Variants in DLGAP2 observed in about 807,000 individuals in gnomAD.
The protein encoded by DLGAP2 is disks large-associated protein 2.
A neutral mutation model predicts 100.3 loss-of-function variants in DLGAP2; 26 were observed. The observed-to-expected ratio is 0.26, with a 90% CI of 0.19 to 0.36. The LOEUF is 0.36. DLGAP2 is among the 10% of genes least tolerant of loss of function. The pLI is 1.00. For missense variants in DLGAP2, 1,858 were observed against 1,453.2 expected, an observed-to-expected ratio of 1.28 and a Z score of -4.53; for synonymous variants, 886 against 630.1, an observed-to-expected ratio of 1.41 and a Z score of -6.08.
intron 2 of DLGAP2, among the ~76,000 whole-genome samples, chr8:1,164,343 C>CCCCCA (rs1563224521): frequency 2.3e-4 from 30 of 128,932 alleles, no homozygotes; most frequent in Admixed American, 7.0e-4. Context: ...TCTGTGAGCC[C>CCCCCA]GCAGGGCCCG....
intron 2 of DLGAP2, among the ~76,000 whole-genome samples, chr8:1,086,845 A>G (rs2129040622): frequency 6.6e-6 from 1 of 152,324 alleles, no homozygotes; most frequent in South Asian, 2.1e-4. Context: ...AATAATGGAA[A>G]GATCATACAG....
chr8:1,511,553 G>C (rs543783842), intron 4 of DLGAP2, among the ~76,000 whole-genome samples: 1 of 151,606 alleles, frequency 6.6e-6, no homozygotes, highest in African/African-American at 2.4e-5. Context: ...ATCTTCCATG[G>C]ACGTAAGTGC....
At chr8:1,553,292 C>T (rs1450285085) in intron 5 of DLGAP2, among the ~76,000 whole-genome samples, 2 of 152,224 alleles carry the variant, frequency 1.3e-5, no homozygotes, top group Admixed American at 6.5e-5. Context: ...CCCCACCTGG[C>T]GTCGCCCGGC....
chr8:806,685 G>A (rs1796276811), intron 1 of DLGAP2, among the ~76,000 whole-genome samples: 1 of 152,202 alleles, frequency 6.6e-6, no homozygotes, highest in South Asian at 2.1e-4. Flanking sequence ...GAACTTTTCA[G>A]TGCATTTCAG....
chr8:1,615,156 C>T (rs1214754710), intron 6 of DLGAP2, among the ~76,000 whole-genome samples: 1 of 152,138 alleles, frequency 6.6e-6, no homozygotes, highest in African/African-American at 2.4e-5. Context: ...TTAACATTTG[C>T]GGACCCCTGA....
Position 1,386,470 on chromosome 8 carries a change from G to A in DLGAP2, c.107-114896G>A, listed in dbSNP as rs182289024. ...TCTCCAGAGCGGCAGGGACAGCTGG[G>A]AGAACCTGCAGAATTCCCTCCAGAA... On this transcript the variant is annotated intron_variant, in intron 3 of 14. Transcript: ENST00000637795. 3.9e-3 allele frequency among the ~76,000 whole-genome samples: 594 copies of A among 152,288 alleles called. 4 individuals are homozygous for A. The highest frequency in any genetic ancestry group is 5.5e-3 in the Non-Finnish European group (373 of 68,022).
At chr8:1,518,161 G>A (rs557912268) in intron 4 of DLGAP2, among the ~76,000 whole-genome samples, 1 of 152,326 alleles carries the variant, frequency 6.6e-6, no homozygotes, top group Admixed American at 6.5e-5. Flanking sequence ...TCTGTGTTAT[G>A]TGACTTGTCC....
At chr8:1,241,185 C>CTCTCACATGGCGCCGTGTCTA (rs1798786585) in intron 2 of DLGAP2, among the ~76,000 whole-genome samples, 2 of 42,466 alleles carry the variant, frequency 4.7e-5, no homozygotes, top group African/African-American at 1.5e-4. Context: ...CGCCGTGTCT[C>CTCTCACATGGCGCCGTGTCTA]GTTCTCTCAC....
chr8:1,526,334 C>T (rs1241516382), intron 4 of DLGAP2, among the ~76,000 whole-genome samples: 1 of 151,936 alleles, frequency 6.6e-6, no homozygotes, highest in Non-Finnish European at 1.5e-5. Context: ...CGCCTACCGG[C>T]AGGGCTGAGA....
At chr8:1,470,837 TCCA>T (rs1798767301) in intron 3 of DLGAP2, among the ~76,000 whole-genome samples, 1 of 10,888 alleles carries the variant, frequency 9.2e-5, no homozygotes, top group East Asian at 2.6e-3. Context: ...TCCCGACCCC[TCCA>T]GGCTTTCCCG....
chr8:1,029,974 C>T (rs1801928429), intron 2 of DLGAP2, among the ~76,000 whole-genome samples: 1 of 152,132 alleles, frequency 6.6e-6, no homozygotes, highest in Admixed American at 6.5e-5. Flanking sequence ...AGGAGCTCAT[C>T]CCGAGAGGAA....
chr8:1,340,651 C>T (rs1205608679), intron 3 of DLGAP2, among the ~76,000 whole-genome samples: 1 of 152,192 alleles, frequency 6.6e-6, no homozygotes, highest in African/African-American at 2.4e-5. Context: ...GTAATTCAGC[C>T]ACTGTGGAAG....
At chr8:1,142,757 G>A (rs1415159470) in intron 2 of DLGAP2, among the ~76,000 whole-genome samples, 1 of 152,130 alleles carries the variant, frequency 6.6e-6, no homozygotes, top group African/African-American at 2.4e-5. Context: ...CTAGGCATGG[G>A]GAGGGTGAGG....
chr8:1,615,221 GA>G (rs1191696645), intron 6 of DLGAP2, among the ~76,000 whole-genome samples: 1 of 152,178 alleles, frequency 6.6e-6, no homozygotes, highest in East Asian at 1.9e-4. Context: ...TCTGGAGGCT[GA>G]ACCCCACCAA....
At chr8:1,171,516 C>T (rs1267824592) in intron 2 of DLGAP2, among the ~76,000 whole-genome samples, 1 of 151,830 alleles carries the variant, frequency 6.6e-6, no homozygotes, top group Non-Finnish European at 1.5e-5. Flanking sequence ...GTGTGGGAGT[C>T]TAAGTCTCTT....
chr8:830,555 G>C (rs1003506087), intron 1 of DLGAP2, among the ~76,000 whole-genome samples: 1 of 152,070 alleles, frequency 6.6e-6, no homozygotes, highest in South Asian at 2.1e-4. Context: ...TATAGTTCTT[G>C]GTTTGGCAGA....
At chr8:1,696,020 G>A (rs1799389859) in intron 13 of DLGAP2, among the ~76,000 whole-genome samples, 1 of 152,220 alleles carries the variant, frequency 6.6e-6, no homozygotes, top group Non-Finnish European at 1.5e-5. Flanking sequence ...GGGGGCCCCA[G>A]GTCCTGGCTC....
At chr8:1,265,883 T>C (rs568171948) in intron 3 of DLGAP2, among the ~76,000 whole-genome samples, 2 of 152,284 alleles carry the variant, frequency 1.3e-5, no homozygotes, top group African/African-American at 2.4e-5. Flanking sequence ...AAAAGGCTCA[T>C]ACAACACAAA....
At chr8:1,506,611 T>C (rs1007498789) in intron 4 of DLGAP2, among the ~76,000 whole-genome samples, 6 of 152,222 alleles carry the variant, frequency 3.9e-5, no homozygotes, top group East Asian at 1.9e-4. Flanking sequence ...CTCAGCAGGT[T>C]GCCAGTGCCG....
Sources: gnomAD v4.1 joint callset for allele counts (sites outside exome capture counted in the v4.1 genomes callset) on GRCh38, gnomAD v4.1.1 for gene constraint, MANE v1.5 for transcripts, NCBI Gene and HGNC (gene_info 2026-07-23, HGNC 2026-07-21) for gene names.